DPH6: variants seen among roughly 807,000 people sequenced by gnomAD.
DPH6 encodes the protein diphthine--ammonia ligase.
In DPH6, 33 loss-of-function variants were observed where a neutral mutation model predicts 38.2. That is an observed-to-expected ratio of 0.86 (90% CI 0.65 to 1.15). DPH6 has a LOEUF of 1.15. Ranked by LOEUF, DPH6 falls within the 50% of genes most tolerant of loss-of-function variation. The probability of loss-of-function intolerance (pLI) is 0.00; values close to 1 mark genes in which losing one functional copy is unlikely to be tolerated. For synonymous variants in DPH6, 108 were observed against 103.0 expected (o/e 1.05, Z -0.30); for missense variants, 325 against 320.0 (o/e 1.02, Z -0.12).
At chr15:35,458,005 T>G (rs1467951484) in intron 3 of DPH6, among the ~76,000 whole-genome samples, 1 of 152,186 alleles carries the variant, frequency 6.6e-6, no homozygotes, top group Non-Finnish European at 1.5e-5. Flanking sequence ...TAGTATAGTA[T>G]TTGCATATAA....
In DPH6 at chr15:35,501,559, G is replaced by C. The variant is rs551852119; in HGVS notation, c.312+36715C>G. On this transcript the variant is annotated intron_variant, in intron 3 of 8. Coordinates refer to ENST00000256538, the MANE Select transcript of DPH6 (RefSeq NM_080650.4). ...ACAAAGAACTTAAAGAAAAATTTTAGGAGTCATTGAGTTTATTTGAGTATT... is the reference window on the plus strand; with the variant it reads ...ACAAAGAACTTAAAGAAAAATTTTACGAGTCATTGAGTTTATTTGAGTATT... Among the ~76,000 whole-genome samples the C allele has an allele frequency of 7.2e-5, 11 of 152,190 alleles. No homozygotes were observed. The South Asian group carries it at 2.3e-3, about 32-fold the overall frequency.
chr15:35,504,491 A>T (rs558959844), intron 3 of DPH6, among the ~76,000 whole-genome samples: 12 of 142,266 alleles, frequency 8.4e-5, no homozygotes, highest in Admixed American at 2.9e-4. Flanking sequence ...ACATTTGTTT[A>T]AAAAAAAAAA....
the DPH6 span, among the ~76,000 whole-genome samples, chr15:35,170,537 A>G: frequency 1.3e-5 from 2 of 152,220 alleles, no homozygotes; most frequent in Non-Finnish European, 2.9e-5. Context: ...AGTCATCTCT[A>G]AAGAATAGTA....
At chr15:35,491,975 G>A (rs1242876228) in intron 3 of DPH6, among the ~76,000 whole-genome samples, 1 of 151,796 alleles carries the variant, frequency 6.6e-6, no homozygotes, top group Non-Finnish European at 1.5e-5. Flanking sequence ...TAAGGTATTG[G>A]CTCATGTAAT....
chr15:35,296,852 C>T (rs906791690), intron 3 of DPH6, among the ~76,000 whole-genome samples: 1 of 123,670 alleles, frequency 8.1e-6, no homozygotes, highest in Non-Finnish European at 1.5e-5. Flanking sequence ...GGCCGGACTG[C>T]GGACTGCAGT....
chr15:35,214,199 A>G (rs1004256793), downstream of DPH6, among the ~76,000 whole-genome samples: 1 of 152,072 alleles, frequency 6.6e-6, no homozygotes, highest in Non-Finnish European at 1.5e-5. Flanking sequence ...TTGATGTTAC[A>G]TTGCTCATTC....
intron 3 of DPH6, among the ~76,000 whole-genome samples, chr15:35,485,014 CATTT>C (rs1830624865): frequency 1.3e-5 from 2 of 152,118 alleles, no homozygotes; most frequent in Non-Finnish European, 2.9e-5. Flanking sequence ...AAAAAATTAA[CATTT>C]ATTGACTACT....
chr15:35,328,950 C>T (rs556304904), downstream of DPH6, among the ~76,000 whole-genome samples: 6 of 152,138 alleles, frequency 3.9e-5, no homozygotes, highest in East Asian at 1.9e-4. Flanking sequence ...GATGCAAAAG[C>T]GGAAACCCCT....
intron 3 of DPH6, among the ~76,000 whole-genome samples, chr15:35,468,447 G>C (rs193269968): frequency 6.6e-6 from 1 of 152,118 alleles, no homozygotes; most frequent in Non-Finnish European, 1.5e-5. Flanking sequence ...TAAGCTAACT[G>C]TCTTGCCTGC....
intron 6 of DPH6, among the ~76,000 whole-genome samples, chr15:35,390,402 G>A (rs1044894051): frequency 2.0e-5 from 3 of 152,138 alleles, no homozygotes; most frequent in African/African-American, 7.2e-5. Context: ...TTGCTAGATT[G>A]GGGAAGTTCT....
At chr15:35,281,093 A>C (rs1392854998) in intron 3 of DPH6, among the ~76,000 whole-genome samples, 2 of 151,288 alleles carry the variant, frequency 1.3e-5, no homozygotes, top group Admixed American at 6.6e-5. Context: ...TCCTAATGCT[A>C]TCTCTCCCCC....
chr15:35,236,983 T>C (rs2051556908), intron 3 of DPH6, among the ~76,000 whole-genome samples: 1 of 152,210 alleles, frequency 6.6e-6, no homozygotes, highest in Non-Finnish European at 1.5e-5. Context: ...GATAAGTGGC[T>C]CATCTCCATT....
chr15:35,273,808 T>C (rs750114387), intron 3 of DPH6, among the ~76,000 whole-genome samples: 1 of 152,158 alleles, frequency 6.6e-6, no homozygotes, highest in Non-Finnish European at 1.5e-5. Flanking sequence ...AGAATCAATA[T>C]CATGAAAATG....
the DPH6 span, among the ~76,000 whole-genome samples, chr15:35,190,820 T>C: frequency 3.3e-5 from 5 of 152,322 alleles, 1 homozygote; most frequent in Admixed American, 3.3e-4. Flanking sequence ...AAGGACAACT[T>C]GGAGGATAGA....
intron 5 of DPH6, among the ~76,000 whole-genome samples, chr15:35,429,668 C>G (rs1015254390): frequency 6.6e-6 from 1 of 151,938 alleles, no homozygotes; most frequent in South Asian, 2.1e-4. Context: ...ATCTTACCAC[C>G]CTTACATACA....
At chr15:35,415,391 G>A (rs2053423611) in intron 5 of DPH6, among the ~76,000 whole-genome samples, 1 of 151,950 alleles carries the variant, frequency 6.6e-6, no homozygotes, top group African/African-American at 2.4e-5. Flanking sequence ...GCAAATATAT[G>A]CCTATAAGGC....
chr15:35,212,536 T>C (rs1018086376), downstream of DPH6, among the ~76,000 whole-genome samples: 2 of 152,174 alleles, frequency 1.3e-5, no homozygotes, highest in African/African-American at 4.8e-5. Context: ...ATGATTCCTC[T>C]TCAATTCAAT....
intron 3 of DPH6, among the ~76,000 whole-genome samples, chr15:35,349,064 C>T (rs1301448168): frequency 6.6e-6 from 1 of 152,072 alleles, no homozygotes; most frequent in Non-Finnish European, 1.5e-5. Context: ...TGTATTACAT[C>T]TCTAGGGTTT....
the DPH6 span, among the ~76,000 whole-genome samples, chr15:35,155,300 T>C: frequency 6.6e-6 from 1 of 152,204 alleles, no homozygotes; most frequent in African/African-American, 2.4e-5. Context: ...TCTTTTACCT[T>C]GTATGTGTGT....
Sources: gnomAD v4.1 joint callset for allele counts (sites outside exome capture counted in the v4.1 genomes callset) on GRCh38, gnomAD v4.1.1 for gene constraint, MANE v1.5 for transcripts, NCBI Gene and HGNC (gene_info 2026-07-23, HGNC 2026-07-21) for gene names.